RCAN2: variants seen among roughly 807,000 people sequenced by gnomAD.
RCAN2 encodes the protein calcipressin-2.
A neutral mutation model predicts 23.6 loss-of-function variants in RCAN2; 9 were observed. The observed-to-expected ratio is 0.38, with a 90% CI of 0.23 to 0.67. RCAN2 has a LOEUF of 0.67. RCAN2 is among the 30% of genes least tolerant of loss of function. The probability of loss-of-function intolerance (pLI) is 0.51; values close to 1 mark genes in which losing one functional copy is unlikely to be tolerated. For missense variants in RCAN2, 273 were observed against 302.3 expected (o/e 0.90, Z 0.72); for synonymous variants, 109 against 115.7 (o/e 0.94, Z 0.37).
intron 2 of RCAN2, among the ~76,000 whole-genome samples, chr6:46,429,078 G>A (rs1014374983): frequency 3.9e-5 from 6 of 152,142 alleles, no homozygotes; most frequent in Non-Finnish European, 8.8e-5. Flanking sequence ...ATGTATAATT[G>A]TTTTAAAAGA....
chr6:46,428,144 AG>A (rs1440234964), intron 2 of RCAN2, among the ~76,000 whole-genome samples: 9 of 152,356 alleles, frequency 5.9e-5, no homozygotes, highest in African/African-American at 2.2e-4. Context: ...GGGCTAAGCT[AG>A]GCCTGGTTGT....
intron 2 of RCAN2, among the ~76,000 whole-genome samples, chr6:46,299,870 A>T (rs1352409635): frequency 6.6e-6 from 1 of 151,982 alleles, no homozygotes; most frequent in Non-Finnish European, 1.5e-5. Flanking sequence ...TACCATTTTT[A>T]AAATATATAT....
chr6:46,238,205 G>T (rs990936279), intron 4 of RCAN2, among the ~76,000 whole-genome samples: 11 of 152,286 alleles, frequency 7.2e-5, no homozygotes, highest in Admixed American at 2.0e-4. Flanking sequence ...GAGGAGTGAG[G>T]AAAGCTGGGA....
At chr6:46,463,819 C>G (rs1244252079) in intron 1 of RCAN2, among the ~76,000 whole-genome samples, 1 of 152,036 alleles carries the variant, frequency 6.6e-6, no homozygotes, top group Non-Finnish European at 1.5e-5. Context: ...ATAAGCAAGA[C>G]ATACAAAAAG....
At chr6:46,413,661 A>G (rs1766615127) in intron 2 of RCAN2, among the ~76,000 whole-genome samples, 1 of 152,196 alleles carries the variant, frequency 6.6e-6, no homozygotes, top group African/African-American at 2.4e-5. Flanking sequence ...GCTGGCTCCA[A>G]CGGCACCAAA....
At chr6:46,476,125 G>GAGAT (rs1207415170) in intron 1 of RCAN2, among the ~76,000 whole-genome samples, 4 of 152,102 alleles carry the variant, frequency 2.6e-5, no homozygotes, top group African/African-American at 9.7e-5. Context: ...CAAGCCTTAT[G>GAGAT]AGATCACCAG....
At chr6:46,296,003 C>A (rs150139803) in intron 2 of RCAN2, among the ~76,000 whole-genome samples, 155 of 150,076 alleles carry the variant, frequency 1.0e-3, no homozygotes, top group African/African-American at 3.7e-3. Context: ...ATAAGGGCAC[C>A]TTTTATGCAG....
Position 46,246,766 on chromosome 6 carries a change from C to A in RCAN2, c.553G>T (p.Val185Leu). Reference sequence around the variant, plus strand: ...AGCTTACCTGGTCCTAGTTTGGCCACAGCATAGAGGAGGTCATAGTTGAGG... The same window carrying A: ...AGCTTACCTGGTCCTAGTTTGGCCAAAGCATAGAGGAGGTCATAGTTGAGG... ...PVLNYDLLYAVAKLGPGEKYE... is the reference protein window; with the variant it reads ...PVLNYDLLYALAKLGPGEKYE... Residue 185 changes from valine to leucine, a missense_variant, in exon 4 of 5, where the codon GTG becomes TTG. By Grantham distance (32) the Val-to-Leu change is conservative. Transcript: ENST00000371374. 4.3e-6 allele frequency: 7 copies of A among 1,612,792 alleles called. No homozygotes were observed. The highest frequency in any genetic ancestry group is 5.9e-6 in the Non-Finnish European group (7 of 1,179,346).
intron 2 of RCAN2, among the ~76,000 whole-genome samples, chr6:46,440,468 A>G (rs1767504984): frequency 1.3e-5 from 2 of 152,226 alleles, no homozygotes; most frequent in South Asian, 2.1e-4. Context: ...TCTATTCACA[A>G]TGGAATTTAA....
rs1437248873 is a variant in RCAN2 at position 46,491,060 on chromosome 6, G to A, written c.-3+113C>T. The A allele has an allele frequency of 5.9e-4, 87 of 148,678 alleles. 1 individual carries two copies. In the South Asian group the frequency reaches 0.018, roughly 30 times the overall value. 9.2% of individuals were successfully genotyped at this position (148,678 alleles called of 1,614,324 possible). Reference sequence around the variant, plus strand: ...CCGCCCCCGCCCTGCACCCAGACCCGGCCCGGAGACCAGATCCCCGCCGCG... The same window carrying A: ...CCGCCCCCGCCCTGCACCCAGACCCAGCCCGGAGACCAGATCCCCGCCGCG... On this transcript the variant is annotated intron_variant, in intron 1 of 4. Transcript: ENST00000371374.
intron 2 of RCAN2, among the ~76,000 whole-genome samples, chr6:46,455,150 A>C (rs1767981143): frequency 6.6e-6 from 1 of 152,230 alleles, no homozygotes; most frequent in Non-Finnish European, 1.5e-5. Context: ...CATTTGTGAT[A>C]ATCTGGTTAT....
At chr6:46,226,747 T>A (rs555616647) in intron 4 of RCAN2, among the ~76,000 whole-genome samples, 2 of 152,330 alleles carry the variant, frequency 1.3e-5, no homozygotes, top group South Asian at 4.1e-4. Context: ...ACAATTTGAC[T>A]TCCTCTTTTC....
chr6:46,333,334 G>A (rs185442394), intron 2 of RCAN2, among the ~76,000 whole-genome samples: 21 of 152,196 alleles, frequency 1.4e-4, no homozygotes, highest in Admixed American at 9.8e-4. Context: ...TGATGCTGGC[G>A]ATCACACCAT....
At chr6:46,426,282 AT>A (rs773689342) in intron 2 of RCAN2, among the ~76,000 whole-genome samples, 1 of 152,146 alleles carries the variant, frequency 6.6e-6, no homozygotes, top group Non-Finnish European at 1.5e-5. Context: ...TTAAATGAAT[AT>A]TTTCGCAGAA....
At chr6:46,376,894 GT>G (rs1300325642) in intron 2 of RCAN2, among the ~76,000 whole-genome samples, 1 of 143,096 alleles carries the variant, frequency 7.0e-6, no homozygotes, top group Non-Finnish European at 1.5e-5. Flanking sequence ...GCTGTATTAA[GT>G]TTTAAAAGCA....
intron 4 of RCAN2, among the ~76,000 whole-genome samples, chr6:46,229,257 C>A (rs1765788204): frequency 6.6e-6 from 1 of 152,074 alleles, no homozygotes. Context: ...CTTGGAGTTG[C>A]TCTTCTCATG....
chr6:46,313,259 C>T lies in RCAN2; in HGVS notation c.226-64363G>A, dbSNP rs1335261993. Among the ~76,000 whole-genome samples, 4 of 152,136 alleles carry T rather than the reference C, an allele frequency of 2.6e-5. No individual in the cohort carries two copies. The East Asian group carries it at 7.7e-4, about 29-fold the overall frequency. The stretch of plus-strand genomic sequence containing the variant: ...TACTGGGCTTACTCAAACCATGGCA[C>T]GCTCTATGTTCTACTCTCTATGTAC... On this transcript the variant is annotated intron_variant, in intron 2 of 4. Transcript: ENST00000371374.
intron 1 of RCAN2, 133 bp downstream of exon 1, chr6:46,491,040 C>A (rs1286190653): frequency 6.6e-6 from 1 of 150,402 alleles, no homozygotes; most frequent in Admixed American, 6.6e-5. Flanking sequence ...CGCCCCCGCC[C>A]CCGCCCTGCA....
chr6:46,450,940 A>G (rs970110802), intron 2 of RCAN2, among the ~76,000 whole-genome samples: 2 of 152,112 alleles, frequency 1.3e-5, no homozygotes, highest in African/African-American at 4.8e-5. Flanking sequence ...CGAAAAAGTA[A>G]TAAGTATGGG....
Sources: gnomAD v4.1 joint callset for allele counts (sites outside exome capture counted in the v4.1 genomes callset) on GRCh38, gnomAD v4.1.1 for gene constraint, MANE v1.5 for transcripts, NCBI Gene and HGNC (gene_info 2026-07-23, HGNC 2026-07-21) for gene names.